The following DPYD variants were observed in gnomAD, a reference collection of about 807,000 sequenced individuals.
DPYD encodes the protein dihydropyrimidine dehydrogenase [NADP(+)].
In DPYD, 109 loss-of-function variants were observed where a neutral mutation model predicts 116.2. That is an observed-to-expected ratio of 0.94 (90% CI 0.80 to 1.10). The LOEUF is 1.10. Ranked by LOEUF, DPYD falls within the 50% of genes least tolerant of loss-of-function variation. The pLI is 0.00. For missense variants in DPYD, 1,302 were observed against 1,254.5 expected (o/e 1.04, Z -0.57); for synonymous variants, 440 against 432.0 (o/e 1.02, Z -0.23).
chr1:97,830,938 T>C (rs962120756), intron 2 of DPYD, among the ~76,000 whole-genome samples: 6 of 152,168 alleles, frequency 3.9e-5, no homozygotes, highest in Admixed American at 2.0e-4. Flanking sequence ...TATTCTGCCT[T>C]GATGTGGAAT....
At chr1:97,397,778 T>C (rs1250688275) in intron 14 of DPYD, among the ~76,000 whole-genome samples, 1 of 152,082 alleles carries the variant, frequency 6.6e-6, no homozygotes, top group East Asian at 1.9e-4. Context: ...GATATTTTGG[T>C]TACTTCCCAG....
intron 2 of DPYD, among the ~76,000 whole-genome samples, chr1:97,872,650 T>C (rs111978982): frequency 1.8e-3 from 268 of 152,078 alleles, no homozygotes; most frequent in African/African-American, 6.3e-3. Flanking sequence ...TAAAGAGGGA[T>C]ACTAATATAT....
chr1:97,125,219 T>C (rs887769654), intron 20 of DPYD, among the ~76,000 whole-genome samples: 2 of 152,090 alleles, frequency 1.3e-5, no homozygotes, highest in African/African-American at 4.8e-5. Flanking sequence ...TTGACTAAGA[T>C]AAGACTGTTT....
chr1:97,661,845 A>T (rs1411541733), intron 8 of DPYD, among the ~76,000 whole-genome samples: 1 of 151,750 alleles, frequency 6.6e-6, no homozygotes, highest in Non-Finnish European at 1.5e-5. Flanking sequence ...TAAGTAAAAG[A>T]TTTTCTTCTC....
intron 20 of DPYD, among the ~76,000 whole-genome samples, chr1:97,139,497 A>T (rs899139488): frequency 6.6e-6 from 1 of 152,186 alleles, no homozygotes; most frequent in African/African-American, 2.4e-5. Flanking sequence ...AAACCCCAAG[A>T]CTGGGTTCTA....
Position 97,224,995 on chromosome 1 carries a change from GTCTGTCTGTCTA to G in DPYD, c.2442+9845_2442+9856del, listed in dbSNP as rs1331108137. Among the ~76,000 whole-genome samples the G allele has an allele frequency of 3.3e-3, 445 of 132,954 alleles. 2 individuals carry two copies. The highest frequency in any genetic ancestry group is 0.03 in the Middle Eastern group (8 of 264). 87.2% of individuals were successfully genotyped at this position (132,954 alleles called of 152,430 possible). On this transcript the variant is annotated intron_variant, in intron 19 of 22. Coordinates refer to ENST00000370192, the MANE Select transcript of DPYD (RefSeq NM_000110.4). ...GGAGTACAGATCTATCTAACTATCT[GTCTGTCTGTCTA>G]TCTATCTATCTATCTATCTATCTAT...
intron 3 of DPYD, among the ~76,000 whole-genome samples, chr1:97,759,519 G>C (rs1182816604): frequency 6.6e-6 from 1 of 152,108 alleles, no homozygotes; most frequent in Admixed American, 6.6e-5. Flanking sequence ...GTGGAAAACA[G>C]CACTTATCCA....
intron 20 of DPYD, among the ~76,000 whole-genome samples, chr1:97,163,732 T>A (rs1380422544): frequency 6.6e-6 from 1 of 152,142 alleles, no homozygotes; most frequent in Non-Finnish European, 1.5e-5. Flanking sequence ...AGGGTGCTAA[T>A]CTCATTCATG....
At chr1:97,888,678 G>A (rs1672625105) in intron 1 of DPYD, among the ~76,000 whole-genome samples, 1 of 151,658 alleles carries the variant, frequency 6.6e-6, no homozygotes, top group African/African-American at 2.4e-5. Context: ...GTTTAACAGT[G>A]AATTTCTCAT....
rs1462320422 is a variant in DPYD, at chr1:97,082,460, C to T, written c.2777G>A (p.Gly926Glu). 8.7e-6 allele frequency: 14 copies of T among 1,613,242 alleles called. No individual in the cohort carries two copies. The highest frequency in any genetic ancestry group is 1.0e-5 in the Non-Finnish European group (12 of 1,179,520). ...TGTTCCAAGGTACTGCAGTGCTTTTCCTATTACATCCTAAAAATAGCCACT... is the reference window on the plus strand; with the variant it reads ...TGTTCCAAGGTACTGCAGTGCTTTTTCTATTACATCCTAAAAATAGCCACT... ...RPIPTIKDVI[G>E]KALQYLGTFG... Residue 926 changes from glycine (G) to glutamate (E), a missense_variant, in exon 22 of 23, where the codon GGA becomes GAA. Gly to Glu is a moderately conservative substitution (Grantham distance 98). Coordinates refer to ENST00000370192, the MANE Select transcript of DPYD (RefSeq NM_000110.4).
chr1:97,759,432 A>T (rs1019892940), intron 3 of DPYD, among the ~76,000 whole-genome samples: 1 of 152,158 alleles, frequency 6.6e-6, no homozygotes, highest in Admixed American at 6.6e-5. Context: ...CAACAAATTT[A>T]TCCATATGGC....
intron 1 of DPYD, among the ~76,000 whole-genome samples, chr1:97,886,715 A>G (rs1038287070): frequency 6.6e-6 from 1 of 152,024 alleles, no homozygotes; most frequent in East Asian, 1.9e-4. Context: ...GTATGCAGGG[A>G]AGTTCAAACC....
At chr1:97,599,859 A>C (rs12567359) in intron 8 of DPYD, among the ~76,000 whole-genome samples, 3 of 57,330 alleles carry the variant, frequency 5.2e-5, no homozygotes, top group East Asian at 1.4e-3. Context: ...ACCCATCTCC[A>C]CAAAAAAAAA....
intron 3 of DPYD, among the ~76,000 whole-genome samples, chr1:97,817,574 G>A (rs1326947745): frequency 1.3e-5 from 2 of 151,948 alleles, no homozygotes; most frequent in East Asian, 1.9e-4. Flanking sequence ...TAATTAGAAC[G>A]AGTAATAAAA....
intron 20 of DPYD, among the ~76,000 whole-genome samples, chr1:97,146,111 C>A (rs1414475776): frequency 6.6e-6 from 1 of 152,022 alleles, no homozygotes; most frequent in Non-Finnish European, 1.5e-5. Flanking sequence ...TTTATTTTTG[C>A]TTTTTTGTCT....
intron 13 of DPYD, among the ~76,000 whole-genome samples, chr1:97,508,855 G>C (rs1362225534): frequency 6.6e-6 from 1 of 151,898 alleles, no homozygotes; most frequent in Admixed American, 6.6e-5. Flanking sequence ...GGAACACAAT[G>C]AAAATTATAT....
At chr1:97,764,466 A>T (rs910601655) in intron 3 of DPYD, among the ~76,000 whole-genome samples, 1 of 152,094 alleles carries the variant, frequency 6.6e-6, no homozygotes, top group African/African-American at 2.4e-5. Flanking sequence ...TTACATCTGC[A>T]CTACATGTTC....
chr1:97,427,617 T>G (rs1038432190), intron 14 of DPYD, among the ~76,000 whole-genome samples: 26 of 151,892 alleles, frequency 1.7e-4, no homozygotes, highest in Admixed American at 4.6e-4. Flanking sequence ...CGGTCTTGTG[T>G]TCCCCAGCTC....
At chr1:97,517,400 G>A (rs138862633) in intron 12 of DPYD, among the ~76,000 whole-genome samples, 14 of 152,110 alleles carry the variant, frequency 9.2e-5, no homozygotes, top group Admixed American at 6.6e-5. Flanking sequence ...ATCTGTCCAC[G>A]CATGGATGTT....
Sources: allele counts gnomAD v4.1 joint callset (sites outside exome capture counted in the v4.1 genomes callset), GRCh38; gene constraint gnomAD v4.1.1; transcripts MANE v1.5; gene names NCBI Gene and HGNC (gene_info 2026-07-23, HGNC 2026-07-21).